The following SOX17 variants were observed in gnomAD, a reference collection of about 807,000 sequenced individuals.
The protein encoded by SOX17 is transcription factor SOX-17.
A neutral mutation model predicts 16.0 loss-of-function variants in SOX17; 4 were observed. That is an observed-to-expected ratio of 0.25 (90% confidence interval 0.12 to 0.57). SOX17 has a LOEUF of 0.57. Ranked by LOEUF, SOX17 falls within the 20% of genes least tolerant of loss-of-function variation. The pLI, the probability that SOX17 is intolerant of heterozygous loss-of-function variation, is 0.92. For synonymous variants in SOX17, 357 were observed against 284.6 expected (o/e 1.25, Z -2.56); for missense variants, 633 against 609.7 (o/e 1.04, Z -0.40).
Position 54,458,426 on chromosome 8 carries a change from C to A in SOX17, c.288C>A (p.Ala96=). The A allele has an allele frequency of 1.2e-6, 2 of 1,612,804 alleles. No individual in the cohort carries two copies. The highest frequency in any genetic ancestry group is 1.7e-6 in the Non-Finnish European group (2 of 1,179,910). Residue 96 remains alanine (A), a synonymous_variant, in exon 1 of 2, where the codon GCC becomes GCA. Coordinates refer to ENST00000297316, the MANE Select transcript of SOX17 (RefSeq NM_022454.4). ...AGCAGAATCCAGACCTGCACAACGC[C>A]GAGTTGAGCAAGATGCTGGGTGAGT... is the stretch of plus-strand genomic sequence containing the variant. ...LAQQNPDLHN[A]ELSKMLGKSW...
Position 54,458,044 on chromosome 8 carries a change from C to G in SOX17, c.-95C>G. ...CGGGAGACCCGCGCAGCCCTCGGGG[C>G]ATCTCAGTGCCTCACTCCCCACCCC... On this transcript the variant is annotated 5_prime_UTR_variant, in exon 1 of 2. Transcript: ENST00000297316. 7.4e-7 allele frequency: 1 copy of G among 1,346,442 alleles called. No homozygotes were observed. The highest frequency in any genetic ancestry group is 9.7e-7 in the Non-Finnish European group (1 of 1,030,688). The allele number at this position is 1,346,442 out of a possible 1,614,324, so 83.4% of individuals were successfully genotyped here.
chr8:54,459,048 C>A lies in SOX17; in HGVS notation c.308-10C>A. 1 of 1,595,176 alleles carries A rather than the reference C, an allele frequency of 6.3e-7. No homozygotes were observed. The highest frequency in any genetic ancestry group is 2.3e-5 in the East Asian group (1 of 43,182). Reference sequence around the variant, plus strand: ...CCTGCGCCCCTCTCCCCCTTCCTTCCACTGTGCAGGCAAGTCGTGGAAGGC... The same window carrying A: ...CCTGCGCCCCTCTCCCCCTTCCTTCAACTGTGCAGGCAAGTCGTGGAAGGC... On this transcript the variant is annotated splice_polypyrimidine_tract_variant and intron_variant, in intron 1 of 1. Transcript: ENST00000297316.
At position 54,459,709 on chromosome 8, in the gene SOX17, A is replaced by G. The variant is rs757952976; in HGVS notation, c.959A>G (p.Gln320Arg). ...CAGATGCAGCCGCAACACCAGCACC[A>G]GCACCAGCACCAGCACCACCCCCCG... ...GFQMQPQHQH[Q>R]HQHQHHPPGP... Residue 320 changes from glutamine (Q) to arginine (R), a missense_variant, in exon 2 of 2, where the codon CAG (glutamine) becomes CGG (arginine). This residue lies in a region of SOX17 where 479 missense variants were observed against 397.2 expected (regional missense o/e 1.21). Coordinates refer to ENST00000297316, the MANE Select transcript of SOX17 (RefSeq NM_022454.4). The G allele has an allele frequency of 3.2e-6, 5 of 1,547,282 alleles. No homozygotes were observed. Among genetic ancestry groups the G allele is most frequent in the East Asian group, 2.4e-5 (1 of 41,122 alleles).
Position 54,459,468 on chromosome 8 carries a change from C to T in SOX17, c.718C>T (p.Pro240Ser), listed in dbSNP as rs200274127. ...VDPDPAFFAA[P>S]MPGDCPAAGT... is the part of the protein sequence containing the mutation. ...CCCCGACCCGGCTTTCTTCGCCGCC[C>T]CGATGCCCGGGGACTGCCCGGCGGC... Residue 240 changes from proline to serine, a missense_variant, in exon 2 of 2, where the codon CCG becomes TCG. By Grantham distance (74) the Pro-to-Ser change is moderately conservative. This residue lies in a region of SOX17 where 479 missense variants were observed against 397.2 expected (regional missense o/e 1.21). Transcript: ENST00000297316. The T allele has an allele frequency of 6.6e-7, 1 of 1,522,810 alleles. No homozygotes were observed. The highest frequency in any genetic ancestry group is 1.7e-4 in the Middle Eastern group (1 of 5,738). The allele number at this position is 1,522,810 out of a possible 1,614,324, so 94.3% of individuals were successfully genotyped here. A position where few individuals can be genotyped will look rare whatever the true frequency, so the allele number is the denominator to read the frequency against.
At chr8:54,458,940 G>A (rs1804683155) in intron 1 of SOX17, 118 bp from the exon 2 acceptor site, 2 of 890,822 alleles carry the variant, frequency 2.2e-6, no homozygotes, top group Non-Finnish European at 1.6e-6. Context: ...ACTTCACCCC[G>A]GTTGCGCAAT....
Position 54,459,449 on chromosome 8 carries a change from C to T in SOX17, c.699C>T (p.Asp233=). The change falls in exon 2 of 2, where the codon GAC becomes GAT. Residue 233 remains aspartate, a synonymous_variant. Transcript: ENST00000297316. ...DTSPLDGVDP[D]PAFFAAPMPG... Reference sequence around the variant, plus strand: ...CCCCGCTGGACGGCGTGGACCCCGACCCGGCTTTCTTCGCCGCCCCGATGC... The same window carrying T: ...CCCCGCTGGACGGCGTGGACCCCGATCCGGCTTTCTTCGCCGCCCCGATGC... 2 of 1,524,082 alleles carry T rather than the reference C, an allele frequency of 1.3e-6. No individual in the cohort carries two copies. Among genetic ancestry groups the T allele is most frequent in the Non-Finnish European group, 1.7e-6 (2 of 1,142,976 alleles). The allele number at this position is 1,524,082 out of a possible 1,614,324, so 94.4% of individuals were successfully genotyped here. A position where few individuals can be genotyped will look rare whatever the true frequency, so the allele number is the denominator to read the frequency against.
In SOX17 at chr8:54,458,246, G is replaced by A. The variant is rs1334754762; in HGVS notation, c.108G>A (p.Leu36=). ...GLGPCPWAES[L]SPIGDMKVKG... ...GCCCCTGCCCCTGGGCCGAGTCGCT[G>A]AGCCCCATCGGGGACATGAAGGTGA... Residue 36 remains leucine, a synonymous_variant, in exon 1 of 2, where the codon CTG becomes CTA. Coordinates refer to ENST00000297316, the MANE Select transcript of SOX17 (RefSeq NM_022454.4). 4 of 1,602,766 alleles carry A rather than the reference G, an allele frequency of 2.5e-6. No individual in the cohort carries two copies. The highest frequency in any genetic ancestry group is 3.4e-6 in the Non-Finnish European group (4 of 1,175,590).
chr8:54,458,276 C>T lies in SOX17; in HGVS notation c.138C>T (p.Gly46=). 1.2e-6 allele frequency: 2 copies of T among 1,608,352 alleles called. No homozygotes were observed. The highest frequency in any genetic ancestry group is 1.7e-6 in the Non-Finnish European group (2 of 1,178,028). ...CCATCGGGGACATGAAGGTGAAGGG[C>T]GAGGCGCCGGCGAACAGCGGAGCAC... is the stretch of plus-strand genomic sequence containing the variant. ...LSPIGDMKVK[G]EAPANSGAPA... Residue 46 remains glycine, a synonymous_variant, in exon 1 of 2, where the codon GGC becomes GGT. Transcript: ENST00000297316.
At position 54,460,070 on chromosome 8, in the gene SOX17, C is replaced by T. The variant is rs1479554150; in HGVS notation, c.*75C>T. 3.1e-5 allele frequency: 46 copies of T among 1,491,554 alleles called. No homozygotes were observed. Among genetic ancestry groups the T allele is most frequent in the Non-Finnish European group, 3.7e-6 (4 of 1,072,092 alleles). 92.4% of individuals were successfully genotyped at this position (1,491,554 alleles called of 1,614,324 possible). On this transcript the variant is annotated 3_prime_UTR_variant, in exon 2 of 2. Coordinates refer to ENST00000297316, the MANE Select transcript of SOX17 (RefSeq NM_022454.4). The stretch of plus-strand genomic sequence containing the variant: ...TTCCTGGAGGAGCTAAGGAAATCCT[C>T]AGACTCCTGGGTTTTTGTTGTTGCT...
Position 54,459,442 on chromosome 8 carries a change from A to G in SOX17, c.692A>G (p.Asp231Gly). Residue 231 changes from aspartate (D) to glycine (G), a missense_variant, in exon 2 of 2, where the codon GAC becomes GGC. Around this residue, in one of 5 missense-constraint regions of SOX17, gnomAD observed 479 missense variants for 397.2 expected, o/e 1.21. Transcript: ENST00000297316. ...GACACGTCCCCGCTGGACGGCGTGG[A>G]CCCCGACCCGGCTTTCTTCGCCGCC... ...TPDTSPLDGV[D>G]PDPAFFAAPM... The G allele has an allele frequency of 6.6e-7, 1 of 1,525,492 alleles. No individual in the cohort carries two copies. Among genetic ancestry groups the G allele is most frequent in the South Asian group, 1.2e-5 (1 of 82,610 alleles). 94.5% of individuals were successfully genotyped at this position (1,525,492 alleles called of 1,614,324 possible).
rs779422552 is a variant in SOX17 at position 54,458,315 on chromosome 8, G to C, written c.177G>C (p.Ala59=). The part of the protein sequence containing the change: ...PANSGAPAGA[A]GRAKGESRIR... ...ACAGCGGAGCACCGGCCGGGGCCGC[G>C]GGCCGAGCCAAGGGCGAGTCCCGTA... Residue 59 remains alanine (A), a synonymous_variant, in exon 1 of 2, where the codon GCG becomes GCC. Transcript: ENST00000297316. 6.2e-7 allele frequency: 1 copy of C among 1,611,664 alleles called. No homozygotes were observed. Among genetic ancestry groups the C allele is most frequent in the Non-Finnish European group, 8.5e-7 (1 of 1,179,508 alleles).
At position 54,457,987 on chromosome 8, in the gene SOX17, G is replaced by T. The variant is rs1438080328; in HGVS notation, c.-152G>T. ...CTGGGTACGCTGTAGACCAGACCGCGACAGGCCAGAACACGGGCGGCGGCT... is the reference window on the plus strand; with the variant it reads ...CTGGGTACGCTGTAGACCAGACCGCTACAGGCCAGAACACGGGCGGCGGCT... On this transcript the variant is annotated 5_prime_UTR_variant, in exon 1 of 2. Coordinates refer to ENST00000297316, the MANE Select transcript of SOX17 (RefSeq NM_022454.4). The T allele has an allele frequency of 9.4e-6, 9 of 961,186 alleles. No individual in the cohort carries two copies. The highest frequency in any genetic ancestry group is 1.2e-5 in the Non-Finnish European group (8 of 686,880). 59.5% of individuals were successfully genotyped at this position (961,186 alleles called of 1,614,324 possible).
chr8:54,459,321 G>T lies in SOX17; in HGVS notation c.571G>T (p.Gly191Cys). ...GTTCCCCGAGCAGGGCTTCCCCGCC[G>T]GCCCGCCGCTGCTGCCTCCGCACAT... Reference protein sequence around the residue: ...LQFPEQGFPAGPPLLPPHMGG... With the variant: ...LQFPEQGFPACPPLLPPHMGG... The change falls in exon 2 of 2, where the codon GGC (glycine) becomes TGC (cysteine). Residue 191 changes from glycine (G) to cysteine (C), a missense_variant. This residue lies in a region of SOX17 where 479 missense variants were observed against 397.2 expected (regional missense o/e 1.21). Transcript: ENST00000297316. 4 of 1,529,412 alleles carry T rather than the reference G, an allele frequency of 2.6e-6. No individual in the cohort carries two copies. Among genetic ancestry groups the T allele is most frequent in the Non-Finnish European group, 3.5e-6 (4 of 1,147,876 alleles). The allele number at this position is 1,529,412 out of a possible 1,614,324, so 94.7% of individuals were successfully genotyped here. A position where few individuals can be genotyped will look rare whatever the true frequency, so the allele number is the denominator to read the frequency against.
At chr8:54,458,628 G>A (rs1372893713) in intron 1 of SOX17, among the ~76,000 whole-genome samples, 183 bp downstream of exon 1, 1 of 152,196 alleles carries the variant, frequency 6.6e-6, no homozygotes, top group Non-Finnish European at 1.5e-5. Flanking sequence ...CTCCAAAGCA[G>A]CTTTCCGCCT....
At position 54,460,642 on chromosome 8, in the gene SOX17, T is replaced by A. The variant is rs1407923970; in HGVS notation, c.*647T>A. Reference sequence around the variant, plus strand: ...ACAGTTAATATTTTCAATTCCAGTATATCACTTTAAGTAGAAGGGGATGTC... The same window carrying A: ...ACAGTTAATATTTTCAATTCCAGTAAATCACTTTAAGTAGAAGGGGATGTC... On this transcript the variant is annotated 3_prime_UTR_variant, in exon 2 of 2. Coordinates refer to ENST00000297316, the MANE Select transcript of SOX17 (RefSeq NM_022454.4). 4.3e-6 allele frequency: 1 copy of A among 232,158 alleles called. No individual in the cohort carries two copies. The highest frequency in any genetic ancestry group is 2.2e-5 in the African/African-American group (1 of 45,268). 14.4% of individuals were successfully genotyped at this position (232,158 alleles called of 1,614,324 possible).
chr8:54,459,749 G>A lies in SOX17; in HGVS notation c.999G>A (p.Pro333=). 6.4e-7 allele frequency: 1 copy of A among 1,573,702 alleles called. No individual in the cohort carries two copies. Among genetic ancestry groups the A allele is most frequent in the Non-Finnish European group, 8.6e-7 (1 of 1,162,398 alleles). The part of the protein sequence containing the change: ...HQHHPPGPGQ[P]SPPPEALPCR... ...ACCACCCCCCGGGCCCCGGACAGCC[G>A]TCGCCCCCTCCGGAGGCACTGCCCT... Residue 333 remains proline (P), a synonymous_variant, in exon 2 of 2, where the codon CCG becomes CCA. Transcript: ENST00000297316.
At position 54,460,067 on chromosome 8, in the gene SOX17, C is replaced by A; in HGVS notation, c.*72C>A. The A allele has an allele frequency of 6.7e-7, 1 of 1,496,214 alleles. No individual in the cohort carries two copies. 92.7% of individuals were successfully genotyped at this position (1,496,214 alleles called of 1,614,324 possible). A position where few individuals can be genotyped will look rare whatever the true frequency, so the allele number is the denominator to read the frequency against. On this transcript the variant is annotated 3_prime_UTR_variant, in exon 2 of 2. Coordinates refer to ENST00000297316, the MANE Select transcript of SOX17 (RefSeq NM_022454.4). ...CACTTCCTGGAGGAGCTAAGGAAAT[C>A]CTCAGACTCCTGGGTTTTTGTTGTT...
chr8:54,458,313 G>T lies in SOX17; in HGVS notation c.175G>T (p.Ala59Ser). The T allele has an allele frequency of 1.9e-6, 3 of 1,611,474 alleles. No homozygotes were observed. The highest frequency in any genetic ancestry group is 2.5e-6 in the Non-Finnish European group (3 of 1,179,422). The change falls in exon 1 of 2, where the codon GCG becomes TCG. Residue 59 changes from alanine (A) to serine (S), a missense_variant. Around this residue, in one of 5 missense-constraint regions of SOX17, gnomAD observed 94 missense variants for 98.7 expected, o/e 0.95. Transcript: ENST00000297316. The part of the protein sequence containing the change: ...PANSGAPAGA[A>S]GRAKGESRIR... ...GAACAGCGGAGCACCGGCCGGGGCCGCGGGCCGAGCCAAGGGCGAGTCCCG... is the reference window on the plus strand; with the variant it reads ...GAACAGCGGAGCACCGGCCGGGGCCTCGGGCCGAGCCAAGGGCGAGTCCCG...
Position 54,459,612 on chromosome 8 carries a change from G to A in SOX17, c.862G>A (p.Ala288Thr). 6.5e-7 allele frequency: 1 copy of A among 1,539,442 alleles called. No homozygotes were observed. The highest frequency in any genetic ancestry group is 1.2e-5 in the South Asian group (1 of 84,208). The change falls in exon 2 of 2, where the codon GCG becomes ACG. Residue 288 changes from alanine to threonine, a missense_variant. Physicochemically the swap from Ala to Thr is moderately conservative, Grantham distance 58. This residue lies in a region of SOX17 where 479 missense variants were observed against 397.2 expected (regional missense o/e 1.21). Transcript: ENST00000297316. Reference sequence around the variant, plus strand: ...GGGTCCCTCGATTCCGGGCCTCCTGGCGCCACCCAGCGCCCTTCACGTGTA... The same window carrying A: ...GGGTCCCTCGATTCCGGGCCTCCTGACGCCACCCAGCGCCCTTCACGTGTA... ...PAGPSIPGLL[A>T]PPSALHVYYG...
Sources: allele counts gnomAD v4.1 joint callset (sites outside exome capture counted in the v4.1 genomes callset), GRCh38; gene constraint gnomAD v4.1.1; regional missense constraint gnomAD v4.1.1; transcripts MANE v1.5; gene names NCBI Gene and HGNC (gene_info 2026-07-23, HGNC 2026-07-21).